SGK3: variants seen among roughly 807,000 people sequenced by gnomAD.
SGK3 encodes serum/glucocorticoid regulated kinase family member 3.
A neutral mutation model predicts 68.5 loss-of-function variants in SGK3; 47 were observed. The observed-to-expected ratio is 0.69, with a 90% confidence interval of 0.54 to 0.87. The LOEUF (loss-of-function observed/expected upper bound fraction) is 0.87, where lower values mean the gene tolerates loss of function less well. Ranked by LOEUF, SGK3 falls within the 40% of genes least tolerant of loss-of-function variation. The pLI is 0.00. For missense variants in SGK3, 479 were observed against 575.5 expected (o/e 0.83, Z 1.72); for synonymous variants, 181 against 189.1 (o/e 0.96, Z 0.35).
At chr8:66,743,034 T>C (rs1805527964) in intron 1 of SGK3, among the ~76,000 whole-genome samples, 1 of 152,190 alleles carries the variant, frequency 6.6e-6, no homozygotes. Context: ...ATTAAGTCTG[T>C]AATTTTCTTG....
At chr8:66,838,564 T>A (rs1382371601) in intron 10 of SGK3, among the ~76,000 whole-genome samples, 1 of 152,180 alleles carries the variant, frequency 6.6e-6, no homozygotes, top group Non-Finnish European at 1.5e-5. Flanking sequence ...CACTGCGAGC[T>A]CCCTGCTTTA....
chr8:66,810,706 AAAAT>A (rs1003864671), intron 4 of SGK3, among the ~76,000 whole-genome samples: 8 of 152,310 alleles, frequency 5.3e-5, no homozygotes, highest in Admixed American at 2.0e-4. Flanking sequence ...CGTCTCAACG[AAAAT>A]AAATAAATAA....
At chr8:66,845,406 A>T (rs1809965792) in intron 14 of SGK3, among the ~76,000 whole-genome samples, 1 of 152,212 alleles carries the variant, frequency 6.6e-6, no homozygotes, top group Non-Finnish European at 1.5e-5. Flanking sequence ...CTCAAAAAAA[A>T]ACAAAAAACA....
chr8:66,748,153 C>T (rs1805703587), intron 1 of SGK3, among the ~76,000 whole-genome samples: 1 of 152,202 alleles, frequency 6.6e-6, no homozygotes, highest in Non-Finnish European at 1.5e-5. Context: ...TCCTCCTACT[C>T]TGCCTCCTAC....
At chr8:66,733,935 C>T (rs1805239257) in intron 1 of SGK3, among the ~76,000 whole-genome samples, 1 of 152,136 alleles carries the variant, frequency 6.6e-6, no homozygotes, top group African/African-American at 2.4e-5. Context: ...TCTACATGAA[C>T]CAGAGAACAG....
chr8:66,778,940 T>A (rs1287106883), intron 1 of SGK3, among the ~76,000 whole-genome samples: 1 of 152,236 alleles, frequency 6.6e-6, no homozygotes, highest in African/African-American at 2.4e-5. Flanking sequence ...AAATATATTT[T>A]GTTTTTGTAT....
chr8:66,834,736 G>A (rs1013668836), intron 8 of SGK3, among the ~76,000 whole-genome samples: 6 of 151,720 alleles, frequency 4.0e-5, no homozygotes, highest in Admixed American at 6.6e-5. Flanking sequence ...AATCGAGACC[G>A]TCCTGGCTAA....
rs577066172 is a variant in SGK3 at position 66,826,378 on chromosome 8, A to G, written c.418-2276A>G. Reference sequence around the variant, plus strand: ...GAAATTACAACTCAGTTTGAATTACATTGTAAGAGTCTAAGGAACACTGAA... The same window carrying G: ...GAAATTACAACTCAGTTTGAATTACGTTGTAAGAGTCTAAGGAACACTGAA... On this transcript the variant is annotated intron_variant, in intron 6 of 16. Coordinates refer to ENST00000521198, the MANE Select transcript of SGK3 (RefSeq NM_001033578.3). Among the ~76,000 whole-genome samples the G allele has an allele frequency of 2.6e-5, 4 of 152,334 alleles. No homozygotes were observed. The South Asian group carries it at 6.2e-4, about 24-fold the overall frequency.
chr8:66,739,305 T>A (rs1291113485), intron 1 of SGK3, among the ~76,000 whole-genome samples: 1 of 152,190 alleles, frequency 6.6e-6, no homozygotes, highest in African/African-American at 2.4e-5. Context: ...AACAACCTGC[T>A]CTTGTGGGAA....
chr8:66,712,863 G>C (rs1804527968), intron 1 of SGK3, 30 bp downstream of exon 1: 1 of 151,604 alleles, frequency 6.6e-6, no homozygotes, highest in Non-Finnish European at 1.5e-5. Flanking sequence ...GAGGGTCCGC[G>C]CGCCCGGGAC....
chr8:66,813,297 T>C (rs1302142520), intron 4 of SGK3, among the ~76,000 whole-genome samples: 1 of 152,174 alleles, frequency 6.6e-6, no homozygotes, highest in African/African-American at 2.4e-5. Context: ...ACTGTACAAT[T>C]ACTTGTTAGG....
chr8:66,853,473 A>G (rs958008224), intron 16 of SGK3, among the ~76,000 whole-genome samples: 18 of 152,196 alleles, frequency 1.2e-4, no homozygotes, highest in Admixed American at 7.9e-4. Flanking sequence ...TTAGTGTTTT[A>G]TATTTTAATA....
intron 16 of SGK3, 120 bp downstream of exon 16, chr8:66,851,040 T>C: frequency 9.4e-7 from 1 of 1,068,276 alleles, no homozygotes; most frequent in South Asian, 1.7e-5. Flanking sequence ...TAAATATTTG[T>C]GAAATATGTC....
intron 4 of SGK3, among the ~76,000 whole-genome samples, chr8:66,808,972 C>T (rs563970269): frequency 7.8e-4 from 119 of 152,060 alleles, no homozygotes; most frequent in Non-Finnish European, 1.3e-3. Context: ...CCAGTTCAAG[C>T]GATTCTCCTG....
intron 1 of SGK3, among the ~76,000 whole-genome samples, chr8:66,766,365 A>G (rs1339427726): frequency 6.6e-6 from 1 of 152,060 alleles, no homozygotes; most frequent in Non-Finnish European, 1.5e-5. Context: ...TCTACTAAAG[A>G]TACAAAAATT....
At chr8:66,760,566 C>A (rs980217327) in intron 1 of SGK3, among the ~76,000 whole-genome samples, 3 of 151,908 alleles carry the variant, frequency 2.0e-5, no homozygotes, top group African/African-American at 7.3e-5. Context: ...GATCTTCTGA[C>A]CTCATGATCC....
intron 3 of SGK3, among the ~76,000 whole-genome samples, chr8:66,804,032 C>A (rs1808056490): frequency 6.6e-6 from 1 of 152,152 alleles, no homozygotes; most frequent in Non-Finnish European, 1.5e-5. Flanking sequence ...ACAGCACGTT[C>A]TAGCCTTAGC....
In SGK3 at chr8:66,813,940, T is replaced by C; in HGVS notation, c.329+12T>C. On this transcript the variant is annotated intron_variant, in intron 5 of 16. Transcript: ENST00000521198. Reference sequence around the variant, plus strand: ...GAACTTTATAACCAGTAAGTAATTTTTGTTGCGTTCTAAAGGGACATTAAA... The same window carrying C: ...GAACTTTATAACCAGTAAGTAATTTCTGTTGCGTTCTAAAGGGACATTAAA... 6.3e-7 allele frequency: 1 copy of C among 1,577,478 alleles called. No individual in the cohort carries two copies. Among genetic ancestry groups the C allele is most frequent in the Non-Finnish European group, 8.6e-7 (1 of 1,163,228 alleles).
chr8:66,803,310 GTGT>G (rs1457205902), intron 3 of SGK3, among the ~76,000 whole-genome samples: 1 of 152,044 alleles, frequency 6.6e-6, no homozygotes, highest in African/African-American at 2.4e-5. Flanking sequence ...GCAGTTAGAG[GTGT>G]TGTTTTTGGG....
Sources: gnomAD v4.1 joint callset for allele counts (sites outside exome capture counted in the v4.1 genomes callset) on GRCh38, gnomAD v4.1.1 for gene constraint, MANE v1.5 for transcripts, NCBI Gene and HGNC (gene_info 2026-07-23, HGNC 2026-07-21) for gene names.